The following BRCA1 variants were observed in gnomAD, a reference collection of about 807,000 sequenced individuals.
BRCA1 encodes the protein BRCA1 DNA repair associated, also known as breast cancer type 1 susceptibility protein.
Under a neutral mutation model 173.7 loss-of-function variants are expected in BRCA1, and 140 were observed. The ratio of observed to expected loss-of-function variants is 0.81; its 90% CI spans 0.70 to 0.93. BRCA1 has a LOEUF of 0.93. BRCA1 is among the 40% of genes least tolerant of loss of function. The pLI is 0.00. For synonymous variants in BRCA1, 662 were observed against 756.0 expected (o/e 0.88, Z 2.04); for missense variants, 1,983 against 2,172.5 (o/e 0.91, Z 1.73).
chr17:43,154,855 T>G (rs1173315496), intron 1 of BRCA1, among the ~76,000 whole-genome samples: 1 of 151,292 alleles, frequency 6.6e-6, no homozygotes, highest in Non-Finnish European at 1.5e-5. Context: ...AAACAGGTAG[T>G]GTAATATGTA....
rs560352661 is a variant in BRCA1, at chr17:43,165,065, A to C, written c.-20+5061T>G. ...GCTTCTCGTATGATTTTTATACCAG[A>C]TAAGCTAAATTTTATCTTTATATTA... On this transcript the variant is annotated intron_variant, in intron 1 of 7. Transcript: ENST00000634433. Among the ~76,000 whole-genome samples the C allele has an allele frequency of 3.3e-5, 5 of 152,324 alleles. No homozygotes were observed. The East Asian group carries it at 9.6e-4, about 29-fold the overall frequency.
chr17:43,137,855 TGACA>T (rs2056040003), intron 1 of BRCA1, among the ~76,000 whole-genome samples: 1 of 151,446 alleles, frequency 6.6e-6, no homozygotes, highest in African/African-American at 2.4e-5. Flanking sequence ...CCAGCCTGGG[TGACA>T]GAGTAAGACC....
intron 8 of BRCA1, among the ~76,000 whole-genome samples, chr17:43,096,880 C>T (rs1334570510): frequency 6.6e-6 from 1 of 152,002 alleles, no homozygotes; most frequent in Non-Finnish European, 1.5e-5. Context: ...ATCCAACAAA[C>T]AAAAAGGGTA....
intron 1 of BRCA1, among the ~76,000 whole-genome samples, chr17:43,151,596 A>C (rs1016119722): frequency 4.6e-5 from 7 of 152,176 alleles, no homozygotes; most frequent in Admixed American, 4.6e-4. Flanking sequence ...CCTATATGTA[A>C]GATTTGTTTC....
chr17:43,162,893 G>A (rs2056245617), intron 1 of BRCA1: 1 of 152,184 alleles, frequency 6.6e-6, no homozygotes, highest in Non-Finnish European at 1.5e-5. Context: ...TAGTCTCGGA[G>A]GTTGGGCCTG....
Position 43,091,737 on chromosome 17 carries a change from T to C in BRCA1, c.3794A>G (p.Asn1265Ser), listed in dbSNP as rs2154286843. Residue 1265 changes from asparagine (N) to serine (S), a missense_variant, in exon 10 of 23, where the codon AAT (asparagine) becomes AGT (serine). Coordinates refer to ENST00000357654, the MANE Select transcript of BRCA1 (RefSeq NM_007294.4). The stretch of plus-strand genomic sequence containing the variant: ...CTGGTTACTGCAGTCATTTAAGCTA[T>C]TCTTCAATGATAATAAATTCTCCTC... ...NTEENLLSLK[N>S]SLNDCSNQVI... 1 of 1,614,210 alleles carries C rather than the reference T, an allele frequency of 6.2e-7. No individual in the cohort carries two copies. The highest frequency in any genetic ancestry group is 1.1e-5 in the South Asian group (1 of 91,084).
rs80357199 is a variant in BRCA1 at position 43,094,692 on chromosome 17, G to C, written c.839C>G (p.Ala280Gly). Residue 280 changes from alanine (A) to glycine (G), a missense_variant, in exon 10 of 23, where the codon GCC becomes GGC. Physicochemically the swap from Ala to Gly is moderately conservative, Grantham distance 60. Transcript: ENST00000357654. ...HVEPCGTNTH[A>G]SSLQHENSSL... ...GCTGTTCTCATGCTGTAATGAGCTGGCATGAGTATTTGTGCCACATGGCTC... is the reference window on the plus strand; with the variant it reads ...GCTGTTCTCATGCTGTAATGAGCTGCCATGAGTATTTGTGCCACATGGCTC... 38 of 1,613,244 alleles carry C rather than the reference G, an allele frequency of 2.4e-5. No homozygotes were observed. The Admixed American group carries it at 6.3e-4, about 27-fold the overall frequency.
At chr17:43,090,727 G>C (rs1285991771) in intron 11 of BRCA1, among the ~76,000 whole-genome samples, 1 of 152,164 alleles carries the variant, frequency 6.6e-6, no homozygotes, top group African/African-American at 2.4e-5. Context: ...CAGTGTATGT[G>C]TAGGCTGTGT....
chr17:43,108,773 G>A (rs1161944804), intron 3 of BRCA1, among the ~76,000 whole-genome samples: 2 of 144,700 alleles, frequency 1.4e-5, no homozygotes, highest in African/African-American at 5.1e-5. Context: ...CCAACACTTT[G>A]GGAGAGGTCA....
At chr17:43,121,351 G>A (rs1443469981) in intron 2 of BRCA1, among the ~76,000 whole-genome samples, 1 of 152,014 alleles carries the variant, frequency 6.6e-6, no homozygotes, top group African/African-American at 2.4e-5. Context: ...CTCCAGCCTA[G>A]GCAGCAGAGC....
intron 1 of BRCA1, chr17:43,145,366 G>A (rs1222550088): frequency 5.0e-6 from 2 of 401,970 alleles, no homozygotes; most frequent in Admixed American, 3.7e-5. Flanking sequence ...TCGCTCTGTC[G>A]CCCAGGCTGC....
rs112427685 is a variant in BRCA1, at chr17:43,139,234, T to A, written c.-19-15119A>T. Among the ~76,000 whole-genome samples the A allele has an allele frequency of 3.6e-3, 549 of 151,880 alleles. 1 individual carries two copies. Among genetic ancestry groups the A allele is most frequent in the African/African-American group, 0.012 (505 of 41,510 alleles). Reference sequence around the variant, plus strand: ...TTCTCCCAGGTGTTTTTTCCTTTTTTTTTTTTTTAACTTTTATTTTAGATT... The same window carrying A: ...TTCTCCCAGGTGTTTTTTCCTTTTTATTTTTTTTAACTTTTATTTTAGATT... On this transcript the variant is annotated intron_variant, in intron 1 of 7. Transcript: ENST00000634433.
intron 12 of BRCA1, chr17:43,079,816 T>C: frequency 2.7e-6 from 2 of 748,838 alleles, no homozygotes; most frequent in Non-Finnish European, 4.6e-6. Flanking sequence ...ACCTTTGGAC[T>C]GTAAAAAAAA....
At chr17:43,149,353 G>A (rs1317195547) in intron 1 of BRCA1, among the ~76,000 whole-genome samples, 1 of 151,712 alleles carries the variant, frequency 6.6e-6, no homozygotes, top group Non-Finnish European at 1.5e-5. Context: ...GCCCACCTTG[G>A]CCTCCCAAAG....
Position 43,095,503 on chromosome 17 carries a change from G to A in BRCA1, c.670+343C>T, listed in dbSNP as rs1030538118. On this transcript the variant is annotated intron_variant, in intron 9 of 22. Transcript: ENST00000357654. Reference sequence around the variant, plus strand: ...AGGCTGAAGTGGGAGGATAGCTTGAGCCTTGGAGGTGGAGGTTGCAGTGAG... The same window carrying A: ...AGGCTGAAGTGGGAGGATAGCTTGAACCTTGGAGGTGGAGGTTGCAGTGAG... Among the ~76,000 whole-genome samples the A allele has an allele frequency of 2.6e-5, 4 of 151,768 alleles. No homozygotes were observed. In the East Asian group the frequency reaches 7.7e-4, roughly 29 times the overall value.
At chr17:43,048,017 C>T (rs778660392) in intron 21 of BRCA1, among the ~76,000 whole-genome samples, 37 of 151,970 alleles carry the variant, frequency 2.4e-4, no homozygotes, top group Non-Finnish European at 4.9e-4. Context: ...CAACTTCACC[C>T]CCGGGATTAT....
chr17:43,126,024 C>G (rs1423881886), upstream of BRCA1, among the ~76,000 whole-genome samples: 1 of 152,118 alleles, frequency 6.6e-6, no homozygotes, highest in Admixed American at 6.5e-5. Context: ...AGAAACTAGG[C>G]CTTAAAAAGA....
At chr17:43,164,742 C>T (rs917866879) in intron 1 of BRCA1, 1 of 152,058 alleles carries the variant, frequency 6.6e-6, no homozygotes, top group Non-Finnish European at 1.5e-5. Context: ...TCCAGGCTGG[C>T]TCGAGTTTTT....
upstream of BRCA1, among the ~76,000 whole-genome samples, chr17:43,129,927 A>T (rs781290224): frequency 1.2e-4 from 19 of 152,330 alleles, no homozygotes; most frequent in South Asian, 4.1e-4. Context: ...ATTACATGTC[A>T]TATGAATGAA....
Sources: gnomAD v4.1 joint callset for allele counts (sites outside exome capture counted in the v4.1 genomes callset) on GRCh38, gnomAD v4.1.1 for gene constraint, MANE v1.5 for transcripts, NCBI Gene and HGNC (gene_info 2026-07-23, HGNC 2026-07-21) for gene names.